Variants in WDFY3 observed in about 807,000 individuals in gnomAD.
WDFY3 encodes WD repeat and FYVE domain containing 3, also known as WD repeat and FYVE domain-containing protein 3.
Under a neutral mutation model 409.6 loss-of-function variants are expected in WDFY3, and 66 were observed. The observed-to-expected ratio is 0.16, with a 90% CI of 0.13 to 0.20. WDFY3 has a LOEUF of 0.20. Among genes scored for constraint, WDFY3 ranks in the 10% least tolerant of loss-of-function variants. The pLI is 1.00. For missense variants in WDFY3, 3,031 were observed against 4,298.1 expected (o/e 0.71, Z 8.24); for synonymous variants, 1,521 against 1,537.1 (o/e 0.99, Z 0.25).
chr4:84,891,045 A>G (rs774700141), intron 3 of WDFY3, among the ~76,000 whole-genome samples: 1 of 152,170 alleles, frequency 6.6e-6, no homozygotes, highest in Admixed American at 6.5e-5. Context: ...TTAGTTTGTA[A>G]GACATAGACA....
intron 27 of WDFY3, among the ~76,000 whole-genome samples, chr4:84,777,040 A>G (rs897051688): frequency 7.2e-5 from 11 of 152,084 alleles, no homozygotes; most frequent in African/African-American, 1.2e-4. Context: ...CTATATGACA[A>G]TATCAGACTG....
intron 2 of WDFY3, among the ~76,000 whole-genome samples, chr4:84,927,870 G>A (rs1770211330): frequency 6.6e-6 from 1 of 152,150 alleles, no homozygotes; most frequent in South Asian, 2.1e-4. Context: ...TGTGAGAATG[G>A]ACTAATATAC....
At chr4:84,770,972 A>G (rs1172203935) in intron 30 of WDFY3, among the ~76,000 whole-genome samples, 1 of 152,220 alleles carries the variant, frequency 6.6e-6, no homozygotes, top group Non-Finnish European at 1.5e-5. Flanking sequence ...TAAGCTGATG[A>G]GAGTATCAGT....
intron 3 of WDFY3, among the ~76,000 whole-genome samples, chr4:84,872,464 CAAA>C (rs374854529): frequency 1.1e-5 from 1 of 91,304 alleles, no homozygotes. Context: ...GACTCTGTCT[CAAA>C]AAAAAAAAAA....
At chr4:84,856,300 A>T (rs564883422) in intron 4 of WDFY3, among the ~76,000 whole-genome samples, 1 of 152,348 alleles carries the variant, frequency 6.6e-6, no homozygotes, top group East Asian at 1.9e-4. Context: ...CTTACAAAAG[A>T]TCTAATTGGT....
chr4:84,683,688 G>C (rs1459261021), intron 63 of WDFY3, among the ~76,000 whole-genome samples: 2 of 152,204 alleles, frequency 1.3e-5, no homozygotes, highest in Admixed American at 1.3e-4. Context: ...TGGGAATCAT[G>C]TTTGACTGAC....
intron 46 of WDFY3, among the ~76,000 whole-genome samples, chr4:84,723,357 C>G (rs1320675476): frequency 6.6e-6 from 1 of 152,196 alleles, no homozygotes; most frequent in African/African-American, 2.4e-5. Context: ...CAGTCATATA[C>G]TATCAGTTTT....
chr4:84,712,339 G>A (rs922806909), intron 51 of WDFY3, among the ~76,000 whole-genome samples: 9 of 146,822 alleles, frequency 6.1e-5, no homozygotes, highest in African/African-American at 2.0e-4. Context: ...TCCAGCCTGG[G>A]TGACAGAAGG....
At chr4:84,856,808 CT>C (rs1424289223) in intron 4 of WDFY3, among the ~76,000 whole-genome samples, 1 of 152,186 alleles carries the variant, frequency 6.6e-6, no homozygotes, top group Non-Finnish European at 1.5e-5. Context: ...AAAATCAACA[CT>C]GCAATTCCTT....
At chr4:84,799,924 C>CT (rs1292097561) in intron 17 of WDFY3, among the ~76,000 whole-genome samples, 1 of 152,176 alleles carries the variant, frequency 6.6e-6, no homozygotes, top group Non-Finnish European at 1.5e-5. Context: ...TTCTATTTAT[C>CT]TAACTATGCA....
Position 84,862,149 on chromosome 4 carries a change from T to C in WDFY3, c.-31-1527A>G, listed in dbSNP as rs1321708783. On this transcript the variant is annotated intron_variant, in intron 3 of 67. Transcript: ENST00000295888. The stretch of plus-strand genomic sequence containing the variant: ...TCAAACACACTTGCCCTTGAGAATT[T>C]TGAGTGAATTCCATACTTGACTACG... Among the ~76,000 whole-genome samples the C allele has an allele frequency of 2.6e-5, 4 of 152,198 alleles. No individual in the cohort carries two copies. The East Asian group carries it at 7.7e-4, about 29-fold the overall frequency.
At chr4:84,688,331 G>A in intron 61 of WDFY3, 66 bp from the exon 62 acceptor site, 1 of 1,518,382 alleles carries the variant, frequency 6.6e-7, no homozygotes, top group East Asian at 2.3e-5. Context: ...AGTGACTCCA[G>A]AAGCTCCTGG....
intron 3 of WDFY3, among the ~76,000 whole-genome samples, chr4:84,863,659 G>T (rs897874897): frequency 1.3e-5 from 2 of 152,036 alleles, no homozygotes; most frequent in Admixed American, 6.6e-5. Flanking sequence ...TTTTTACCTA[G>T]TAGCTTTTGG....
At chr4:84,876,997 T>A (rs1318529950) in intron 3 of WDFY3, among the ~76,000 whole-genome samples, 1 of 152,218 alleles carries the variant, frequency 6.6e-6, no homozygotes, top group Non-Finnish European at 1.5e-5. Flanking sequence ...AAACTATAAA[T>A]TCCTTGAAAG....
chr4:84,826,796 G>C lies in WDFY3; in HGVS notation c.1123+19C>G. On this transcript the variant is annotated intron_variant, in intron 10 of 67. Transcript: ENST00000295888. ...CTCTATTTCTCTCAGTAGCACAGAA[G>C]GGAAAAAACAAGACTCACCTTTGCC... The C allele has an allele frequency of 1.3e-6, 2 of 1,575,450 alleles. No homozygotes were observed. The highest frequency in any genetic ancestry group is 2.8e-5 in the African/African-American group (2 of 72,592).
At chr4:84,964,891 T>C (rs1775429761) in intron 1 of WDFY3, among the ~76,000 whole-genome samples, 1 of 152,214 alleles carries the variant, frequency 6.6e-6, no homozygotes, top group African/African-American at 2.4e-5. Flanking sequence ...GAAACCTCTT[T>C]CTAGCAGCTT....
chr4:84,914,988 T>C (rs1471812609), intron 2 of WDFY3, among the ~76,000 whole-genome samples: 1 of 152,192 alleles, frequency 6.6e-6, no homozygotes, highest in African/African-American at 2.4e-5. Flanking sequence ...TAGATTATTC[T>C]TCCATAATAG....
chr4:84,712,909 C>T (rs1170708705), intron 51 of WDFY3, among the ~76,000 whole-genome samples: 1 of 152,122 alleles, frequency 6.6e-6, no homozygotes, highest in Non-Finnish European at 1.5e-5. Flanking sequence ...AGAGTATAAA[C>T]TCAATCATGC....
At chr4:84,932,910 T>C (rs1561106562) in intron 1 of WDFY3, among the ~76,000 whole-genome samples, 1 of 152,214 alleles carries the variant, frequency 6.6e-6, no homozygotes, top group East Asian at 1.9e-4. Context: ...ATACAGGATA[T>C]ATAAATGTTT....
Sources: gnomAD v4.1 joint callset for allele counts (sites outside exome capture counted in the v4.1 genomes callset) on GRCh38, gnomAD v4.1.1 for gene constraint, MANE v1.5 for transcripts, NCBI Gene and HGNC (gene_info 2026-07-23, HGNC 2026-07-21) for gene names.